The following XRCC1 variants were observed in gnomAD, a reference collection of about 807,000 sequenced individuals.
The protein encoded by XRCC1 is DNA repair protein XRCC1.
In XRCC1, 52 loss-of-function variants were observed where a neutral mutation model predicts 83.3. The observed-to-expected ratio is 0.62, with a 90% CI of 0.50 to 0.79. The LOEUF (loss-of-function observed/expected upper bound fraction) is 0.79. XRCC1 is among the 30% of genes least tolerant of loss of function. The probability of loss-of-function intolerance (pLI) is 0.00; values close to 1 mark genes in which losing one functional copy is unlikely to be tolerated. For synonymous variants in XRCC1, 281 were observed against 312.6 expected, an observed-to-expected ratio of 0.90 and a Z score of 1.07; for missense variants, 793 against 823.5, an observed-to-expected ratio of 0.96 and a Z score of 0.45.
intron 2 of XRCC1, among the ~76,000 whole-genome samples, chr19:43,561,309 T>G (rs1293242830): frequency 6.6e-6 from 1 of 152,206 alleles, no homozygotes; most frequent in African/African-American, 2.4e-5. Context: ...CACACTGCCA[T>G]AGAGCTCTCC....
At chr19:43,572,932 T>C (rs964175823) in intron 2 of XRCC1, among the ~76,000 whole-genome samples, 4 of 142,050 alleles carry the variant, frequency 2.8e-5, no homozygotes, top group Non-Finnish European at 6.2e-5. Context: ...CTTTTCTTTT[T>C]TTTTTTTTTT....
chr19:43,543,782 T>G (rs1355310116), intron 15 of XRCC1, 95 bp from the exon 16 acceptor site: 3 of 1,167,922 alleles, frequency 2.6e-6, no homozygotes, highest in Non-Finnish European at 3.8e-6. Flanking sequence ...CCCCACACTG[T>G]CCCCACCTAT....
At chr19:43,544,278 G>C in intron 14 of XRCC1, 44 bp from the exon 15 acceptor site, 1 of 1,535,540 alleles carries the variant, frequency 6.5e-7, no homozygotes, top group Non-Finnish European at 8.9e-7. Flanking sequence ...GGCCCCAGGA[G>C]TTCCCAGGCA....
At position 43,575,328 on chromosome 19, in the gene XRCC1, G is replaced by A; in HGVS notation, c.51+80C>T. Reference sequence around the variant, plus strand: ...CCCATGACTCTCCTTAGACTTCCAAGAGAACCCCAAAAGCTCTTTTAAGAG... The same window carrying A: ...CCCATGACTCTCCTTAGACTTCCAAAAGAACCCCAAAAGCTCTTTTAAGAG... On this transcript the variant is annotated intron_variant, in intron 1 of 16. Transcript: ENST00000262887. 4 of 1,442,348 alleles carry A rather than the reference G, an allele frequency of 2.8e-6. No individual in the cohort carries two copies. In the South Asian group the frequency reaches 4.1e-5, roughly 15 times the overall value. The allele number at this position is 1,442,348 out of a possible 1,614,324, so 89.3% of individuals were successfully genotyped here.
At chr19:43,569,777 G>A (rs573019608) in intron 2 of XRCC1, among the ~76,000 whole-genome samples, 10 of 151,542 alleles carry the variant, frequency 6.6e-5, no homozygotes, top group East Asian at 1.9e-4. Flanking sequence ...ACGAAACTCC[G>A]TCTCAGAAAA....
intron 2 of XRCC1, 131 bp from the exon 3 acceptor site, chr19:43,561,151 T>G: frequency 1.4e-6 from 1 of 733,318 alleles, no homozygotes; most frequent in Non-Finnish European, 2.4e-6. Context: ...ACACCAGGGT[T>G]GAATGGTGCC....
chr19:43,568,432 G>C (rs1972774874), intron 2 of XRCC1, among the ~76,000 whole-genome samples: 1 of 152,038 alleles, frequency 6.6e-6, no homozygotes, highest in Non-Finnish European at 1.5e-5. Context: ...GGGAGGGGGA[G>C]GTTGCAGTGA....
At chr19:43,557,239 G>C (rs1043133118) in intron 3 of XRCC1, among the ~76,000 whole-genome samples, 1 of 149,926 alleles carries the variant, frequency 6.7e-6, no homozygotes, top group Non-Finnish European at 1.5e-5. Context: ...AACCCAGGAG[G>C]CGGAGGTTGC....
chr19:43,556,802 C>G (rs1322348691), intron 3 of XRCC1, among the ~76,000 whole-genome samples: 3 of 151,770 alleles, frequency 2.0e-5, no homozygotes, highest in African/African-American at 7.3e-5. Flanking sequence ...GCCAGGAGTT[C>G]AAGACCAGCC....
chr19:43,544,376 C>T, intron 14 of XRCC1, 142 bp from the exon 15 acceptor site: 1 of 694,844 alleles, frequency 1.4e-6, no homozygotes, highest in Non-Finnish European at 2.4e-6. Context: ...GTGGACCCTG[C>T]CCAGCGGCCC....
At chr19:43,550,025 T>C (rs1972559610) in intron 10 of XRCC1, among the ~76,000 whole-genome samples, 1 of 152,052 alleles carries the variant, frequency 6.6e-6, no homozygotes, top group African/African-American at 2.4e-5. Flanking sequence ...AGTCCCCACC[T>C]GCAGCCTCCC....
intron 12 of XRCC1, 137 bp downstream of exon 12, chr19:43,546,458 C>A (rs988280382): frequency 1.9e-6 from 2 of 1,052,782 alleles, no homozygotes; most frequent in Admixed American, 5.1e-5. Context: ...GAGTCCAGGT[C>A]CCCAGGCTCT....
At chr19:43,571,814 T>C (rs1437322385) in intron 2 of XRCC1, among the ~76,000 whole-genome samples, 1 of 152,248 alleles carries the variant, frequency 6.6e-6, no homozygotes, top group Non-Finnish European at 1.5e-5. Context: ...TGTCTTCTGC[T>C]GTGTACTGCT....
chr19:43,546,048 C>G lies in XRCC1; in HGVS notation c.1481+4G>C. The stretch of plus-strand genomic sequence containing the variant: ...GACACCCCAACCCCCAGCCCCAGCC[C>G]TACCTCCTCAGCTCATCCTCTGTGT... On this transcript the variant is annotated splice_donor_region_variant and intron_variant, in intron 13 of 16. Coordinates refer to ENST00000262887, the MANE Select transcript of XRCC1 (RefSeq NM_006297.3). 1.2e-6 allele frequency: 2 copies of G among 1,613,906 alleles called. No individual in the cohort carries two copies. Among genetic ancestry groups the G allele is most frequent in the Non-Finnish European group, 1.7e-6 (2 of 1,179,868 alleles).
chr19:43,563,033 C>A lies in XRCC1; in HGVS notation c.145-2013G>T, dbSNP rs958948228. Among the ~76,000 whole-genome samples, 3 of 152,230 alleles carry A rather than the reference C, an allele frequency of 2.0e-5. No homozygotes were observed. In the East Asian group the frequency reaches 5.8e-4, roughly 29 times the overall value. ...AGGCTGGCAACAGTCCACGCGTGCT[C>A]CTCCATCACACCACTGACGTGCTAG... On this transcript the variant is annotated intron_variant, in intron 2 of 16. Transcript: ENST00000262887.
intron 3 of XRCC1, among the ~76,000 whole-genome samples, chr19:43,559,560 G>C (rs961871339): frequency 2.0e-5 from 3 of 150,596 alleles, no homozygotes; most frequent in Non-Finnish European, 4.4e-5. Flanking sequence ...AAATTCACTT[G>C]AGATGAAACA....
At chr19:43,575,314 C>T in intron 1 of XRCC1, 94 bp downstream of exon 1, 1 of 1,349,388 alleles carries the variant, frequency 7.4e-7, no homozygotes, top group South Asian at 1.5e-5. Context: ...CCATGACTCT[C>T]CTTAGACTTC....
chr19:43,561,342 A>G (rs1972697240), intron 2 of XRCC1, among the ~76,000 whole-genome samples: 1 of 152,202 alleles, frequency 6.6e-6, no homozygotes, highest in Admixed American at 6.5e-5. Flanking sequence ...TGCCAGAGTT[A>G]TAACTTTATT....
rs747258459 is a variant in XRCC1 at position 43,553,123 on chromosome 19, A to T, written c.602-32T>A. On this transcript the variant is annotated intron_variant, in intron 6 of 16. Coordinates refer to ENST00000262887, the MANE Select transcript of XRCC1 (RefSeq NM_006297.3). The stretch of plus-strand genomic sequence containing the variant: ...AGGGAGAAAGTGGATCCAGGATGAG[A>T]GGGCTGAGCCCCAAGACCCTTTCAC... 3.9e-6 allele frequency: 6 copies of T among 1,545,618 alleles called. 1 individual carries two copies. The South Asian group carries it at 7.1e-5, about 18-fold the overall frequency.
Sources: gnomAD v4.1 joint callset for allele counts (sites outside exome capture counted in the v4.1 genomes callset) on GRCh38, gnomAD v4.1.1 for gene constraint, MANE v1.5 for transcripts, NCBI Gene and HGNC (gene_info 2026-07-23, HGNC 2026-07-21) for gene names.